The following CHEK1 variants were observed in gnomAD, a reference collection of about 807,000 sequenced individuals.
CHEK1 encodes the protein serine/threonine-protein kinase Chk1.
A neutral mutation model predicts 60.2 loss-of-function variants in CHEK1; 32 were observed. The observed-to-expected ratio is 0.53, with a 90% CI of 0.40 to 0.71. The LOEUF (loss-of-function observed/expected upper bound fraction) is 0.71. CHEK1 is among the 30% of genes least tolerant of loss of function. The pLI is 0.00. For synonymous variants in CHEK1, 179 were observed against 187.2 expected (o/e 0.96, Z 0.36); for missense variants, 399 against 564.6 (o/e 0.71, Z 2.97).
intron 12 of CHEK1, 110 bp from the exon 13 acceptor site, chr11:125,655,115 T>C (rs1173748249): frequency 3.0e-5 from 22 of 726,728 alleles, no homozygotes; most frequent in Non-Finnish European, 3.8e-5. Context: ...TAGCTAGACA[T>C]ACCTAAAGAT....
chr11:125,639,221 A>C (rs1326021114), intron 8 of CHEK1, among the ~76,000 whole-genome samples: 1 of 152,082 alleles, frequency 6.6e-6, no homozygotes, highest in Non-Finnish European at 1.5e-5. Context: ...TTGTACCTGC[A>C]CAACAGATTG....
chr11:125,638,112 G>A (rs1253451010), intron 8 of CHEK1, among the ~76,000 whole-genome samples: 2 of 152,194 alleles, frequency 1.3e-5, no homozygotes, highest in African/African-American at 4.8e-5. Flanking sequence ...TGTGGAAGAA[G>A]ACCTTGTAAG....
At chr11:125,648,602 G>T (rs893213504) in intron 11 of CHEK1, among the ~76,000 whole-genome samples, 2 of 147,694 alleles carry the variant, frequency 1.4e-5, no homozygotes, top group African/African-American at 2.5e-5. Context: ...AAATTACATT[G>T]TTTATCAATA....
At chr11:125,680,865 G>A, downstream of CHEK1, 1 of 1,121,182 alleles carries the variant, frequency 8.9e-7, no homozygotes, top group Non-Finnish European at 1.3e-6. Context: ...AAAGCTTCCA[G>A]TGCTGAAGCA....
At chr11:125,681,057 T>A, downstream of CHEK1, 2 of 171,938 alleles carry the variant, frequency 1.2e-5, no homozygotes, top group Non-Finnish European at 2.1e-5. This position sits in a 1 kb window ranked among gnomAD's most constrained non-coding sequence, Gnocchi z 4.2. Flanking sequence ...CTATCTGCCC[T>A]ATCTTTAAAA....
chr11:125,627,778 C>T lies in CHEK1; in HGVS notation c.237C>T (p.Ile79=). ...KFYGHRREGN[I]QYLFLEYCSG... Reference sequence around the variant, plus strand: ...ATGGTCACAGGAGAGAAGGCAATATCCAATATTTATTTCTGGAGTACTGTA... The same window carrying T: ...ATGGTCACAGGAGAGAAGGCAATATTCAATATTTATTTCTGGAGTACTGTA... Residue 79 remains isoleucine, a synonymous_variant, in exon 3 of 13, where the codon ATC becomes ATT. Coordinates refer to ENST00000438015, the MANE Select transcript of CHEK1 (RefSeq NM_001114122.3). 1.2e-6 allele frequency: 2 copies of T among 1,612,512 alleles called. No individual in the cohort carries two copies. The highest frequency in any genetic ancestry group is 1.7e-6 in the Non-Finnish European group (2 of 1,179,724).
downstream of CHEK1, chr11:125,678,045 T>A (rs146568193): frequency 6.2e-7 from 1 of 1,614,168 alleles, no homozygotes; most frequent in East Asian, 2.2e-5. Context: ...TTCAGCATGT[T>A]CAGTCGCAGC....
At chr11:125,675,522 A>G (rs1340777251) in intron 13 of CHEK1, among the ~76,000 whole-genome samples, 2 of 152,224 alleles carry the variant, frequency 1.3e-5, no homozygotes, top group African/African-American at 4.8e-5. Context: ...CTACAAGAGG[A>G]GTCAGGCAGT....
downstream of CHEK1, chr11:125,676,261 T>A: frequency 1.4e-6 from 2 of 1,451,478 alleles, no homozygotes; most frequent in Non-Finnish European, 1.9e-6. Context: ...TTCAAGTTCC[T>A]TGATTCTTTC....
intron 11 of CHEK1, among the ~76,000 whole-genome samples, chr11:125,649,540 A>G (rs1337268751): frequency 6.6e-6 from 1 of 152,166 alleles, no homozygotes; most frequent in East Asian, 1.9e-4. Context: ...CCTGGCCAAC[A>G]TGGTGAAACC....
downstream of CHEK1, among the ~76,000 whole-genome samples, chr11:125,658,712 A>G (rs186546303): frequency 0.032 from 2,402 of 75,270 alleles, 53 homozygotes; most frequent in Non-Finnish European, 0.044. Context: ...TTTTTTTTTT[A>G]AGAGTCTTGT....
At chr11:125,645,289 G>A (rs950689972) in intron 11 of CHEK1, among the ~76,000 whole-genome samples, 8 of 151,978 alleles carry the variant, frequency 5.3e-5, no homozygotes, top group African/African-American at 1.9e-4. Context: ...TATGAAAGAC[G>A]AATACATTAG....
intron 11 of CHEK1, among the ~76,000 whole-genome samples, chr11:125,650,144 T>C (rs900859923): frequency 1.4e-5 from 2 of 145,670 alleles, no homozygotes; most frequent in Non-Finnish European, 3.0e-5. Context: ...TTTCTTCAGA[T>C]TTTTTTTTTT....
At chr11:125,626,400 C>CGG in intron 1 of CHEK1, 1 of 430,680 alleles carries the variant, frequency 2.3e-6, no homozygotes, top group South Asian at 3.6e-5. Flanking sequence ...CCTATATCCT[C>CGG]TTCCTCTCTT....
chr11:125,643,936 A>G (rs975398842), intron 9 of CHEK1, 36 bp downstream of exon 9: 3 of 1,572,004 alleles, frequency 1.9e-6, no homozygotes, highest in Non-Finnish European at 2.6e-6. Context: ...TTTTGATTGT[A>G]GTATTCCCCA....
intron 13 of CHEK1, among the ~76,000 whole-genome samples, chr11:125,674,529 G>T (rs1438589548): frequency 6.6e-6 from 1 of 152,212 alleles, no homozygotes; most frequent in Non-Finnish European, 1.5e-5. Context: ...TGCAGAATGA[G>T]TGAAAAGACA....
Position 125,625,730 on chromosome 11 carries a change from C to T in CHEK1, c.-303C>T. On this transcript the variant is annotated 5_prime_UTR_variant, in exon 1 of 13. Coordinates refer to ENST00000438015, the MANE Select transcript of CHEK1 (RefSeq NM_001114122.3). ...TCGAGCCTCACACCGGATGCCACTTCATATTTGGGCCCAGAGCTCAATTCG... is the reference window on the plus strand; with the variant it reads ...TCGAGCCTCACACCGGATGCCACTTTATATTTGGGCCCAGAGCTCAATTCG... 3.0e-6 allele frequency: 2 copies of T among 664,392 alleles called. No homozygotes were observed. Among genetic ancestry groups the T allele is most frequent in the Middle Eastern group, 2.6e-4 (1 of 3,830 alleles). 41.2% of individuals were successfully genotyped at this position (664,392 alleles called of 1,614,324 possible).
At chr11:125,644,713 T>C (rs1941435283) in intron 11 of CHEK1, 70 bp downstream of exon 11, 2 of 1,522,248 alleles carry the variant, frequency 1.3e-6, no homozygotes, top group African/African-American at 1.4e-5. Context: ...AAAGCTATCA[T>C]TAGTATATTT....
chr11:125,638,969 G>T (rs1452066010), intron 8 of CHEK1, among the ~76,000 whole-genome samples: 1 of 151,970 alleles, frequency 6.6e-6, no homozygotes, highest in African/African-American at 2.4e-5. Flanking sequence ...AACTTAAACA[G>T]TCCTTTGTAT....
Sources: gnomAD v4.1 joint callset for allele counts (sites outside exome capture counted in the v4.1 genomes callset) on GRCh38, gnomAD v4.1.1 for gene constraint, Gnocchi (gnomAD v3.1) non-coding constraint, MANE v1.5 for transcripts, NCBI Gene and HGNC (gene_info 2026-07-23, HGNC 2026-07-21) for gene names.